CYTH4: variants seen among roughly 807,000 people sequenced by gnomAD.
The protein encoded by CYTH4 is cytohesin-4.
CYTH4 carries 22 observed loss-of-function variants against 57.5 expected under a neutral mutation model. The ratio of observed to expected loss-of-function variants is 0.38; its 90% CI spans 0.27 to 0.55. CYTH4 has a LOEUF of 0.55. CYTH4 is among the 20% of genes least tolerant of loss of function. The pLI is 0.74. For synonymous variants in CYTH4, 186 were observed against 206.5 expected (o/e 0.90, Z 0.85); for missense variants, 420 against 535.6 (o/e 0.78, Z 2.13).
At position 37,311,554 on chromosome 22, in the gene CYTH4, A is replaced by T; in HGVS notation, c.957+27A>T. ...TAGGTGTTCAGGTTGCAGGATCCCGAGGCTGGAGCCACTGGGAAATTTCCT... is the reference window on the plus strand; with the variant it reads ...TAGGTGTTCAGGTTGCAGGATCCCGTGGCTGGAGCCACTGGGAAATTTCCT... On this transcript the variant is annotated intron_variant, in intron 11 of 12. Coordinates refer to ENST00000248901, the MANE Select transcript of CYTH4 (RefSeq NM_013385.5). The surrounding 1 kb of genome is among the most constrained non-coding windows in gnomAD (Gnocchi z 4.4). 1.2e-6 allele frequency: 2 copies of T among 1,610,268 alleles called. 1 individual carries two copies. Among genetic ancestry groups the T allele is most frequent in the South Asian group, 2.2e-5 (2 of 91,012 alleles).
chr22:37,299,718 A>G (rs1189209200), intron 6 of CYTH4, among the ~76,000 whole-genome samples: 1 of 152,204 alleles, frequency 6.6e-6, no homozygotes. Context: ...ACAACTGCAG[A>G]GGCAGTCCAA....
At chr22:37,299,165 G>A in intron 5 of CYTH4, 61 bp from the exon 6 acceptor site, 1 of 1,322,896 alleles carries the variant, frequency 7.6e-7, no homozygotes, top group Non-Finnish European at 1.1e-6. Flanking sequence ...ACCCCCTCCA[G>A]GAGGTGGGTG....
At chr22:37,313,334 G>T (rs941442020) in intron 12 of CYTH4, 105 bp from the exon 13 acceptor site, 4 of 1,172,494 alleles carry the variant, frequency 3.4e-6, no homozygotes, top group African/African-American at 3.0e-5. Flanking sequence ...GGCAGAGCAG[G>T]CTGACACCTC....
intron 8 of CYTH4, among the ~76,000 whole-genome samples, chr22:37,306,905 G>A (rs1281193776): frequency 6.6e-6 from 1 of 152,228 alleles, no homozygotes; most frequent in Non-Finnish European, 1.5e-5. Flanking sequence ...CCTGAACTGA[G>A]GCTAGCAGGA....
chr22:37,301,403 G>T (rs1392517132), intron 7 of CYTH4, among the ~76,000 whole-genome samples: 1 of 152,118 alleles, frequency 6.6e-6, no homozygotes, highest in African/African-American at 2.4e-5. Context: ...CTTTTTGGCA[G>T]GAGTTTCAGT....
chr22:37,285,640 G>C (rs1187178702), intron 1 of CYTH4, among the ~76,000 whole-genome samples: 2 of 152,078 alleles, frequency 1.3e-5, no homozygotes, highest in Admixed American at 1.3e-4. Context: ...GAACCTGGGA[G>C]GTGGAGGTTG....
chr22:37,301,682 CTTTTTTTTTT>C (rs71798839), intron 7 of CYTH4, among the ~76,000 whole-genome samples: 6 of 50,412 alleles, frequency 1.2e-4, no homozygotes, highest in African/African-American at 3.4e-4. Flanking sequence ...CCACTCAATC[CTTTTTTTTTT>C]TTTTTTTTTT....
intron 2 of CYTH4, among the ~76,000 whole-genome samples, chr22:37,293,936 A>G (rs142770162): frequency 6.2e-4 from 94 of 151,936 alleles, no homozygotes; most frequent in African/African-American, 2.2e-3. Flanking sequence ...GGAATTGCAA[A>G]GTCCCTGGAA....
intron 2 of CYTH4, among the ~76,000 whole-genome samples, chr22:37,293,959 C>A (rs1928845546): frequency 6.6e-6 from 1 of 151,722 alleles, no homozygotes; most frequent in African/African-American, 2.4e-5. Flanking sequence ...AGGGCCTAGG[C>A]TGCCTGTGCG....
intron 3 of CYTH4, 123 bp downstream of exon 3, chr22:37,294,847 G>A: frequency 8.5e-7 from 1 of 1,180,348 alleles, no homozygotes; most frequent in Non-Finnish European, 1.2e-6. Flanking sequence ...GGATTGGCCA[G>A]GGAGAAGGAG....
Position 37,314,701 on chromosome 22 carries a change from G to A in CYTH4, c.*1190G>A. Reference sequence around the variant, plus strand: ...TGTCTCCAGGGAGGCCTGGCCTGGAGGAGGAGTCCACTAACAGGAAACACT... The same window carrying A: ...TGTCTCCAGGGAGGCCTGGCCTGGAAGAGGAGTCCACTAACAGGAAACACT... On this transcript the variant is annotated 3_prime_UTR_variant, in exon 13 of 13. Coordinates refer to ENST00000248901, the MANE Select transcript of CYTH4 (RefSeq NM_013385.5). 3.0e-6 allele frequency: 1 copy of A among 334,538 alleles called. No homozygotes were observed. 20.7% of individuals were successfully genotyped at this position (334,538 alleles called of 1,614,324 possible).
In CYTH4 at chr22:37,311,821, G is replaced by A. The variant is rs1024510496; in HGVS notation, c.958-199G>A. 21 of 732,088 alleles carry A rather than the reference G, an allele frequency of 2.9e-5. No individual in the cohort carries two copies. The highest frequency in any genetic ancestry group is 3.9e-5 in the Non-Finnish European group (18 of 456,776). The allele number at this position is 732,088 out of a possible 1,614,324, so 45.3% of individuals were successfully genotyped here. On this transcript the variant is annotated intron_variant, in intron 11 of 12. Transcript: ENST00000248901. This position sits in a 1 kb window ranked among gnomAD's most constrained non-coding sequence, Gnocchi z 4.4. ...CCTCAGTGAGCCCACATGTCACGTG[G>A]GGACTTTAGGGAGGATGGTGGATTC... is the stretch of plus-strand genomic sequence containing the variant.
intron 1 of CYTH4, among the ~76,000 whole-genome samples, chr22:37,287,534 A>G (rs1928600074): frequency 6.6e-6 from 1 of 152,314 alleles, no homozygotes; most frequent in South Asian, 2.1e-4. Flanking sequence ...GTTTTTTCCC[A>G]TGGATGAGAC....
chr22:37,284,173 G>A (rs56361218), intron 1 of CYTH4, among the ~76,000 whole-genome samples: 1,952 of 152,308 alleles, frequency 0.013, 42 homozygotes, highest in African/African-American at 0.04. Flanking sequence ...GCCGGTACTA[G>A]GGAGGAAATG....
intron 1 of CYTH4, among the ~76,000 whole-genome samples, chr22:37,288,977 G>A (rs1928651579): frequency 6.6e-6 from 1 of 152,238 alleles, no homozygotes; most frequent in Non-Finnish European, 1.5e-5. Flanking sequence ...AACACCCTAA[G>A]CCTCTGGATA....
In CYTH4 at chr22:37,313,716, G is replaced by T; in HGVS notation, c.*205G>T. 1 of 587,844 alleles carries T rather than the reference G, an allele frequency of 1.7e-6. No homozygotes were observed. 36.4% of individuals were successfully genotyped at this position (587,844 alleles called of 1,614,324 possible). On this transcript the variant is annotated 3_prime_UTR_variant, in exon 13 of 13. Transcript: ENST00000248901. ...AGTGGGCTCAGAGTCCAGCAATGAG[G>T]CCCCCTGGCCTGGGCACCCAGCTGC...
Position 37,308,823 on chromosome 22 carries a change from C to T in CYTH4, c.697-389C>T, listed in dbSNP as rs1192075527. ...GCATGTGTGTGCATGTATGTGTGAG[C>T]ATGCATTTATATAAGTGTGCCTGCA... On this transcript the variant is annotated intron_variant, in intron 8 of 12. Transcript: ENST00000248901. 2.0e-5 allele frequency among the ~76,000 whole-genome samples: 3 copies of T among 151,286 alleles called. No homozygotes were observed. The East Asian group carries it at 5.9e-4, about 30-fold the overall frequency.
At chr22:37,291,199 T>C (rs1450208087) in intron 1 of CYTH4, among the ~76,000 whole-genome samples, 1 of 151,914 alleles carries the variant, frequency 6.6e-6, no homozygotes, top group Non-Finnish European at 1.5e-5. Context: ...AAAACTGATT[T>C]ATTTCTTATT....
At chr22:37,301,946 G>A (rs575722061) in intron 7 of CYTH4, 40 of 168,786 alleles carry the variant, frequency 2.4e-4, no homozygotes, top group South Asian at 2.0e-4. Context: ...TGATCCGCCC[G>A]CCTCGACCTC....
Sources: gnomAD v4.1 joint callset for allele counts (sites outside exome capture counted in the v4.1 genomes callset) on GRCh38, gnomAD v4.1.1 for gene constraint, Gnocchi (gnomAD v3.1) non-coding constraint, MANE v1.5 for transcripts, NCBI Gene and HGNC (gene_info 2026-07-23, HGNC 2026-07-21) for gene names.